Variants in UGT8 observed in about 807,000 individuals in gnomAD.
UGT8 encodes 2-hydroxyacylsphingosine 1-beta-galactosyltransferase.
Under a neutral mutation model 40.5 loss-of-function variants are expected in UGT8, and 12 were observed. The observed-to-expected ratio is 0.30, with a 90% CI of 0.19 to 0.48. UGT8 has a LOEUF of 0.48. Among genes scored for constraint, UGT8 ranks in the 20% least tolerant of loss-of-function variants. The probability of loss-of-function intolerance (pLI) is 0.99; values close to 1 mark genes in which losing one functional copy is unlikely to be tolerated. For synonymous variants in UGT8, 224 were observed against 240.4 expected (o/e 0.93, Z 0.63); for missense variants, 513 against 648.7 (o/e 0.79, Z 2.27).
In UGT8 at chr4:114,668,134, T is replaced by C; in HGVS notation, c.1092T>C (p.Ile364=). The C allele has an allele frequency of 6.2e-7, 1 of 1,613,868 alleles. No homozygotes were observed. Among genetic ancestry groups the C allele is most frequent in the Non-Finnish European group, 8.5e-7 (1 of 1,179,810 alleles). ...AFLSHGGLNS[I]FETIYHGVPV... is the part of the protein sequence containing the mutation. ...TGAGCCATGGTGGTTTGAACAGTAT[T>C]TTTGAAACTATATATCATGGTGTGC... is the stretch of plus-strand genomic sequence containing the variant. Residue 364 remains isoleucine (I), a synonymous_variant, in exon 5 of 6, where the codon ATT becomes ATC. Transcript: ENST00000310836.
intron 2 of UGT8, among the ~76,000 whole-genome samples, chr4:114,646,814 G>T (rs1409898208): frequency 6.6e-6 from 1 of 152,092 alleles, no homozygotes; most frequent in African/African-American, 2.4e-5. Context: ...TTTCAATTTG[G>T]TCAAATTGTT....
At chr4:114,654,464 A>C (rs931167113) in intron 2 of UGT8, among the ~76,000 whole-genome samples, 1 of 152,040 alleles carries the variant, frequency 6.6e-6, no homozygotes, top group South Asian at 2.1e-4. Flanking sequence ...ATAGTTGAGG[A>C]ATTCAGACAG....
intron 2 of UGT8, among the ~76,000 whole-genome samples, chr4:114,651,653 G>A (rs1236378974): frequency 6.6e-6 from 1 of 152,014 alleles, no homozygotes; most frequent in Non-Finnish European, 1.5e-5. Flanking sequence ...TGACACCCAG[G>A]ATTAGAAGTA....
intron 3 of UGT8, among the ~76,000 whole-genome samples, chr4:114,664,499 C>T (rs950329578): frequency 2.0e-5 from 3 of 152,092 alleles, no homozygotes; most frequent in African/African-American, 7.2e-5. Context: ...TCCTTCAAAT[C>T]AGTTTTGAAA....
At chr4:114,644,566 C>T (rs62308130) in intron 2 of UGT8, among the ~76,000 whole-genome samples, 8 of 152,094 alleles carry the variant, frequency 5.3e-5, no homozygotes, top group Admixed American at 1.3e-4. Flanking sequence ...CTCATTTGGA[C>T]CTCTTGAGGT....
At chr4:114,674,390 G>A (rs1477429771) in intron 5 of UGT8, among the ~76,000 whole-genome samples, 1 of 151,924 alleles carries the variant, frequency 6.6e-6, no homozygotes, top group Non-Finnish European at 1.5e-5. Context: ...ACCAACTCCT[G>A]CCAACTCTTC....
intron 2 of UGT8, among the ~76,000 whole-genome samples, chr4:114,639,533 C>A (rs1733085034): frequency 6.6e-6 from 1 of 152,124 alleles, no homozygotes; most frequent in African/African-American, 2.4e-5. Context: ...CATTACTTTG[C>A]TTTGCCTTTT....
At chr4:114,666,982 CTT>C (rs1734925946) in intron 4 of UGT8, among the ~76,000 whole-genome samples, 1 of 152,170 alleles carries the variant, frequency 6.6e-6, no homozygotes, top group Admixed American at 6.5e-5. Flanking sequence ...CGCCCCTCCT[CTT>C]TACACAGCAG....
chr4:114,635,374 C>T (rs1732826210), intron 2 of UGT8, among the ~76,000 whole-genome samples: 1 of 151,794 alleles, frequency 6.6e-6, no homozygotes, highest in Non-Finnish European at 1.5e-5. Context: ...TTCAAGCCAC[C>T]ATATTATTTG....
At chr4:114,640,915 A>C (rs1271819558) in intron 2 of UGT8, among the ~76,000 whole-genome samples, 1 of 152,170 alleles carries the variant, frequency 6.6e-6, no homozygotes, top group Non-Finnish European at 1.5e-5. Context: ...CAGCCAAACC[A>C]TATCAGGATC....
rs1016301989 is a variant in UGT8 at position 114,677,039 on chromosome 4, A to G, written c.*751A>G. 1 of 152,082 alleles carries G rather than the reference A, an allele frequency of 6.6e-6. No homozygotes were observed. Among genetic ancestry groups the G allele is most frequent in the African/African-American group, 2.4e-5 (1 of 41,416 alleles). The allele number at this position is 152,082 out of a possible 1,614,324, so 9.4% of individuals were successfully genotyped here. On this transcript the variant is annotated 3_prime_UTR_variant, in exon 6 of 6. Transcript: ENST00000310836. ...TTTTACTTTTGTTTTCCCACTACCA[A>G]TAATTTTCCTCTGGAAGAATTTTAT...
chr4:114,660,749 G>A (rs899519222), intron 2 of UGT8, among the ~76,000 whole-genome samples: 6 of 151,846 alleles, frequency 4.0e-5, no homozygotes, highest in South Asian at 2.1e-4. Flanking sequence ...AAAATTAGCC[G>A]GGCGTAGTGG....
chr4:114,622,800 G>C (rs964780146), intron 1 of UGT8, 79 bp from the exon 2 acceptor site: 406 of 1,314,536 alleles, frequency 3.1e-4, no homozygotes, highest in Non-Finnish European at 3.9e-4. Context: ...TATTTTTGGG[G>C]AAAAATGCTT....
At chr4:114,669,546 C>G (rs1056600377) in intron 5 of UGT8, among the ~76,000 whole-genome samples, 2 of 151,982 alleles carry the variant, frequency 1.3e-5, no homozygotes, top group Non-Finnish European at 2.9e-5. Context: ...CTGAAATTGG[C>G]TCAGATGAAA....
At chr4:114,661,752 A>G (rs1215529398) in intron 2 of UGT8, among the ~76,000 whole-genome samples, 1 of 152,180 alleles carries the variant, frequency 6.6e-6, no homozygotes, top group Non-Finnish European at 1.5e-5. Context: ...TTTGCATGTC[A>G]CCTTGGTTCC....
intron 2 of UGT8, among the ~76,000 whole-genome samples, chr4:114,627,276 A>C (rs1402178579): frequency 9.7e-6 from 1 of 103,584 alleles, no homozygotes; most frequent in East Asian, 2.8e-4. Context: ...TTTTTTTTTG[A>C]GATGGAATCT....
chr4:114,624,830 CA>C (rs1732088647), intron 2 of UGT8, among the ~76,000 whole-genome samples: 2 of 152,032 alleles, frequency 1.3e-5, no homozygotes, highest in Admixed American at 6.5e-5. Flanking sequence ...CCTGTACACC[CA>C]CAGCATTTCA....
intron 2 of UGT8, among the ~76,000 whole-genome samples, chr4:114,642,433 A>G (rs775550901): frequency 1.1e-4 from 16 of 152,068 alleles, no homozygotes; most frequent in African/African-American, 2.9e-4. Flanking sequence ...TATGATTACA[A>G]TTTTTGGGGG....
At chr4:114,612,436 C>T (rs959971881) in intron 1 of UGT8, among the ~76,000 whole-genome samples, 1 of 151,962 alleles carries the variant, frequency 6.6e-6, no homozygotes, top group African/African-American at 2.4e-5. Flanking sequence ...TCTATTTTTC[C>T]AAAGCTTCCC....
Sources: allele counts gnomAD v4.1 joint callset (sites outside exome capture counted in the v4.1 genomes callset), GRCh38; gene constraint gnomAD v4.1.1; transcripts MANE v1.5; gene names NCBI Gene and HGNC (gene_info 2026-07-23, HGNC 2026-07-21).